Variants in ZNF469 observed in about 807,000 individuals in gnomAD.
ZNF469 encodes zinc finger protein 469.
Under a neutral mutation model 1.0 loss-of-function variants are expected in ZNF469, and 1 was observed. That is an observed-to-expected ratio of 1.00 (90% CI 0.35 to 4.73). The LOEUF (loss-of-function observed/expected upper bound fraction) is 4.73, where lower values mean the gene tolerates loss of function less well. Among genes scored for constraint, ZNF469 ranks in the 30% most tolerant of loss-of-function variants. The pLI is 0.16. For missense variants in ZNF469, 6,100 were observed against 5,356.3 expected (o/e 1.14, Z -4.33); for synonymous variants, 2,703 against 2,363.4 (o/e 1.14, Z -4.17).
Position 88,439,424 on chromosome 16 carries a change from T to C in ZNF469, c.*92T>C, listed in dbSNP as rs112273342. On this transcript the variant is annotated 3_prime_UTR_variant, in exon 3 of 3. Coordinates refer to ENST00000565624, the MANE Select transcript of ZNF469 (RefSeq NM_001367624.2). ...TCCGGCTCCCTGAGATGGTCCACTC[T>C]GTGGCCACTTGACTTCTTGTGCAAC... 5.1e-6 allele frequency: 7 copies of C among 1,385,524 alleles called. No homozygotes were observed. The highest frequency in any genetic ancestry group is 4.3e-5 in the African/African-American group (3 of 69,598). The allele number at this position is 1,385,524 out of a possible 1,614,324, so 85.8% of individuals were successfully genotyped here.
the ZNF469 span, among the ~76,000 whole-genome samples, chr16:88,322,184 A>T: frequency 6.6e-6 from 1 of 152,300 alleles, no homozygotes; most frequent in South Asian, 2.1e-4. Flanking sequence ...CCAGCCTCCG[A>T]TGGACTCAGA....
the ZNF469 span, among the ~76,000 whole-genome samples, chr16:88,286,003 G>A: frequency 4.6e-5 from 7 of 152,198 alleles, no homozygotes; most frequent in East Asian, 1.9e-4. Context: ...CCGGAGCATC[G>A]CCATCTCCTT....
chr16:88,393,425 T>C (rs1373632277), intron 1 of ZNF469, among the ~76,000 whole-genome samples: 1 of 152,194 alleles, frequency 6.6e-6, no homozygotes, highest in Non-Finnish European at 1.5e-5. Flanking sequence ...GGGCTGTGTT[T>C]ATGCCGGACC....
chr16:88,185,342 C>A, the ZNF469 span, among the ~76,000 whole-genome samples: 1 of 152,060 alleles, frequency 6.6e-6, no homozygotes, highest in South Asian at 2.1e-4. Flanking sequence ...CACATGAATA[C>A]AATGCATGCA....
chr16:88,208,480 G>T, the ZNF469 span, among the ~76,000 whole-genome samples: 1 of 133,148 alleles, frequency 7.5e-6, no homozygotes, highest in African/African-American at 2.9e-5. Context: ...AGAGGAGGGA[G>T]GGAGGGAGGG....
the ZNF469 span, among the ~76,000 whole-genome samples, chr16:88,123,056 A>G: frequency 6.6e-6 from 1 of 151,826 alleles, no homozygotes; most frequent in Non-Finnish European, 1.5e-5. Flanking sequence ...TTATTTATTT[A>G]TTTTTGCTAA....
chr16:88,260,472 AGGTGCTGGTCTG>A, the ZNF469 span, among the ~76,000 whole-genome samples: 1 of 152,158 alleles, frequency 6.6e-6, no homozygotes, highest in South Asian at 2.1e-4. The surrounding 1 kb of genome is among the most constrained non-coding windows in gnomAD (Gnocchi z 4.1). Flanking sequence ...CTAGAGTGGT[AGGTGCTGGTCTG>A]GGTGCACACA....
the ZNF469 span, among the ~76,000 whole-genome samples, chr16:88,303,693 G>A: frequency 6.6e-6 from 1 of 152,192 alleles, no homozygotes; most frequent in Admixed American, 6.5e-5. Context: ...TCCCAGCCAA[G>A]CCATGAGCCT....
chr16:88,434,444 G>A lies in ZNF469; in HGVS notation c.6974G>A (p.Gly2325Asp), dbSNP rs2142310201. ...PHTNPDRMPR[G>D]HSSYSPSNTA... ...ACCAACCCTGACAGGATGCCCAGGGGCCACTCCTCGTATTCTCCAAGCAAT... is the reference window on the plus strand; with the variant it reads ...ACCAACCCTGACAGGATGCCCAGGGACCACTCCTCGTATTCTCCAAGCAAT... The change falls in exon 3 of 3, where the codon GGC becomes GAC. Residue 2325 changes from glycine to aspartate, a missense_variant. By Grantham distance (94) the Gly-to-Asp change is moderately conservative. Transcript: ENST00000565624. The A allele has an allele frequency of 6.5e-7, 1 of 1,549,654 alleles. No homozygotes were observed. Among genetic ancestry groups the A allele is most frequent in the East Asian group, 2.4e-5 (1 of 40,914 alleles).
At chr16:88,386,574 G>A (rs115799712) in intron 1 of ZNF469, among the ~76,000 whole-genome samples, 2,116 of 152,246 alleles carry the variant, frequency 0.014, 57 homozygotes, top group African/African-American at 0.048. Flanking sequence ...CCTTCTCCCC[G>A]GGCTCAGCAG....
chr16:88,430,947 C>T lies in ZNF469; in HGVS notation c.3477C>T (p.Gly1159=), dbSNP rs1469758376. 1.3e-6 allele frequency: 2 copies of T among 1,534,530 alleles called. No individual in the cohort carries two copies. The highest frequency in any genetic ancestry group is 2.5e-5 in the East Asian group (1 of 40,790). The change falls in exon 3 of 3, where the codon GGC becomes GGT. Residue 1159 remains glycine (G), a synonymous_variant. Coordinates refer to ENST00000565624, the MANE Select transcript of ZNF469 (RefSeq NM_001367624.2). The part of the protein sequence containing the change: ...DGAPANPEEP[G]GSRPGPGRSP... ...CCCCCGCGAACCCCGAGGAGCCGGG[C>T]GGGTCTCGCCCGGGCCCCGGCAGGA...
At chr16:88,378,938 C>T (rs1485124811), upstream of ZNF469, among the ~76,000 whole-genome samples, 1 of 152,342 alleles carries the variant, frequency 6.6e-6, no homozygotes, top group East Asian at 1.9e-4. Context: ...TGGGCCCACA[C>T]GTGGCAGGGG....
chr16:88,296,309 G>A, the ZNF469 span, among the ~76,000 whole-genome samples: 1 of 152,234 alleles, frequency 6.6e-6, no homozygotes, highest in Non-Finnish European at 1.5e-5. Context: ...GAACATGAGA[G>A]ACAGGCTCCA....
chr16:88,361,144 C>A, the ZNF469 span, among the ~76,000 whole-genome samples: 1 of 152,152 alleles, frequency 6.6e-6, no homozygotes, highest in South Asian at 2.1e-4. Context: ...GAGCACACAA[C>A]CTAGATCCCT....
Position 88,432,416 on chromosome 16 carries a change from C to T in ZNF469, c.4946C>T (p.Ala1649Val), listed in dbSNP as rs1031009469. ...GAESAVATVEAVQGRPGGTWP... is the reference protein window; with the variant it reads ...GAESAVATVEVVQGRPGGTWP... ...GAATCGGCTGTGGCCACCGTGGAAG[C>T]GGTTCAGGGGAGGCCTGGGGGGACG... The change falls in exon 3 of 3, where the codon GCG becomes GTG. Residue 1649 changes from alanine (A) to valine (V), a missense_variant. Transcript: ENST00000565624. 11 of 1,549,858 alleles carry T rather than the reference C, an allele frequency of 7.1e-6. No homozygotes were observed. The highest frequency in any genetic ancestry group is 2.4e-5 in the East Asian group (1 of 40,932).
the ZNF469 span, among the ~76,000 whole-genome samples, chr16:88,171,845 A>G: frequency 2.6e-5 from 4 of 152,226 alleles, no homozygotes; most frequent in Admixed American, 1.3e-4. Context: ...ATTTTGTTCA[A>G]AAAAACTCAA....
At chr16:88,183,571 G>C in the ZNF469 span, among the ~76,000 whole-genome samples, 1 of 152,190 alleles carries the variant, frequency 6.6e-6, no homozygotes, top group Non-Finnish European at 1.5e-5. Context: ...CAATTCTGGA[G>C]GACGCAAAGC....
chr16:88,381,906 C>T (rs1366731247), upstream of ZNF469, among the ~76,000 whole-genome samples: 3 of 152,246 alleles, frequency 2.0e-5, no homozygotes, highest in African/African-American at 7.2e-5. Flanking sequence ...CCAGAAGGCC[C>T]GTGGTTAGGC....
the ZNF469 span, among the ~76,000 whole-genome samples, chr16:88,224,915 G>T: frequency 6.6e-6 from 1 of 152,210 alleles, no homozygotes; most frequent in Admixed American, 6.5e-5. Context: ...GGGAGCGGAG[G>T]TGCCCCAGCC....
Sources: gnomAD v4.1 joint callset for allele counts (sites outside exome capture counted in the v4.1 genomes callset) on GRCh38, gnomAD v4.1.1 for gene constraint, Gnocchi (gnomAD v3.1) non-coding constraint, MANE v1.5 for transcripts, NCBI Gene and HGNC (gene_info 2026-07-23, HGNC 2026-07-21) for gene names.